SLC14A2: variants seen among roughly 807,000 people sequenced by gnomAD.
The protein encoded by SLC14A2 is urea transporter 2.
SLC14A2 carries 91 observed loss-of-function variants against 104.6 expected under a neutral mutation model. That is an observed-to-expected ratio of 0.87 (90% CI 0.73 to 1.04). The LOEUF is 1.04. SLC14A2 is among the 50% of genes least tolerant of loss of function. The pLI, the probability that SLC14A2 is intolerant of heterozygous loss-of-function variation, is 0.00. For synonymous variants in SLC14A2, 476 were observed against 466.4 expected, an observed-to-expected ratio of 1.02 and a Z score of -0.27; for missense variants, 1,189 against 1,156.0, an observed-to-expected ratio of 1.03 and a Z score of -0.41.
At chr18:45,472,188 C>A (rs774879749) in intron 1 of SLC14A2, among the ~76,000 whole-genome samples, 2 of 151,194 alleles carry the variant, frequency 1.3e-5, no homozygotes, top group Non-Finnish European at 3.0e-5. Context: ...TCATCCATGT[C>A]CCCGCAAGGA....
intron 1 of SLC14A2, among the ~76,000 whole-genome samples, chr18:45,366,507 T>C (rs952545972): frequency 4.6e-5 from 7 of 152,228 alleles, no homozygotes; most frequent in Non-Finnish European, 7.3e-5. Context: ...ATCCCCAGCA[T>C]ACTGTGAATT....
intron 2 of SLC14A2, among the ~76,000 whole-genome samples, chr18:45,488,174 G>A (rs952546060): frequency 6.6e-6 from 1 of 152,172 alleles, no homozygotes; most frequent in African/African-American, 2.4e-5. Flanking sequence ...TGGACTCTTT[G>A]AGGATGTATG....
intron 1 of SLC14A2, among the ~76,000 whole-genome samples, chr18:45,437,655 G>C (rs985560286): frequency 6.6e-6 from 1 of 152,204 alleles, no homozygotes; most frequent in African/African-American, 2.4e-5. Context: ...ACCAGCAGTT[G>C]TTGTGTTGTG....
chr18:45,585,030 T>C (rs982730091), intron 2 of SLC14A2, among the ~76,000 whole-genome samples: 3 of 152,120 alleles, frequency 2.0e-5, no homozygotes, highest in African/African-American at 7.2e-5. Context: ...AAAGGGCCAG[T>C]CCAGATGACC....
the SLC14A2 span, among the ~76,000 whole-genome samples, chr18:45,190,660 G>T: frequency 2.0e-5 from 3 of 152,178 alleles, no homozygotes; most frequent in Non-Finnish European, 2.9e-5. Context: ...GTGAGAACCA[G>T]ACACATTTCT....
chr18:45,444,313 G>A (rs1598825609), intron 1 of SLC14A2, among the ~76,000 whole-genome samples: 1 of 152,166 alleles, frequency 6.6e-6, no homozygotes, highest in South Asian at 2.1e-4. Flanking sequence ...TGTAAAGTGA[G>A]TGGATGCACT....
At chr18:45,610,946 G>A (rs1450379677), upstream of SLC14A2, among the ~76,000 whole-genome samples, 5 of 152,196 alleles carry the variant, frequency 3.3e-5, no homozygotes, top group African/African-American at 1.2e-4. Flanking sequence ...AGTTTTAAAG[G>A]AGTGTAGGTT....
intron 1 of SLC14A2, among the ~76,000 whole-genome samples, chr18:45,317,978 T>C (rs1211785009): frequency 6.6e-6 from 1 of 151,962 alleles, no homozygotes; most frequent in Non-Finnish European, 1.5e-5. Flanking sequence ...GCCCCACCTT[T>C]CCTTTGGAGC....
chr18:45,568,895 T>C (rs2044305669), intron 2 of SLC14A2, among the ~76,000 whole-genome samples: 1 of 152,158 alleles, frequency 6.6e-6, no homozygotes, highest in Non-Finnish European at 1.5e-5. Context: ...CTATGGATAG[T>C]TATGTTTTGG....
chr18:45,206,727 C>G, the SLC14A2 span, among the ~76,000 whole-genome samples: 1 of 152,130 alleles, frequency 6.6e-6, no homozygotes, highest in Non-Finnish European at 1.5e-5. Flanking sequence ...TAGGCAGGTA[C>G]TAGTTTGGGG....
intron 1 of SLC14A2, among the ~76,000 whole-genome samples, chr18:45,259,346 G>T (rs1336456237): frequency 2.0e-5 from 3 of 152,174 alleles, no homozygotes; most frequent in African/African-American, 7.2e-5. Context: ...GCAGGGGAAA[G>T]AAACAGCATT....
At chr18:45,295,078 G>A (rs2084906138) in intron 1 of SLC14A2, among the ~76,000 whole-genome samples, 1 of 152,158 alleles carries the variant, frequency 6.6e-6, no homozygotes. Flanking sequence ...TTCAAGGGCA[G>A]CAGCTAATAA....
intron 2 of SLC14A2, among the ~76,000 whole-genome samples, chr18:45,599,229 C>A (rs976222147): frequency 5.9e-5 from 9 of 152,196 alleles, no homozygotes; most frequent in African/African-American, 1.4e-4. Context: ...ACACCCCTAA[C>A]CCCCATCCAG....
chr18:45,169,156 G>A, the SLC14A2 span: 1 of 152,014 alleles, frequency 6.6e-6, no homozygotes, highest in East Asian at 1.9e-4. Context: ...TCAACATTGG[G>A]GAAAAAATTG....
At chr18:45,358,976 CA>C (rs1460095313) in intron 1 of SLC14A2, among the ~76,000 whole-genome samples, 1 of 152,222 alleles carries the variant, frequency 6.6e-6, no homozygotes, top group Non-Finnish European at 1.5e-5. Flanking sequence ...TGACTTCTAA[CA>C]CTTTTAGTTG....
At chr18:45,604,538 C>T (rs1289382793) in intron 2 of SLC14A2, among the ~76,000 whole-genome samples, 2 of 152,162 alleles carry the variant, frequency 1.3e-5, no homozygotes, top group African/African-American at 4.8e-5. Context: ...AACAGGTCCA[C>T]ATTCTTATGT....
At chr18:45,228,523 G>T (rs1412023394) in intron 1 of SLC14A2, among the ~76,000 whole-genome samples, 1 of 152,110 alleles carries the variant, frequency 6.6e-6, no homozygotes, top group Admixed American at 6.6e-5. Flanking sequence ...TTCATGTCCA[G>T]GTGACTGCCA....
chr18:45,355,663 A>C (rs1023405598), intron 1 of SLC14A2, among the ~76,000 whole-genome samples: 11 of 151,562 alleles, frequency 7.3e-5, no homozygotes, highest in African/African-American at 2.7e-4. Flanking sequence ...GAGGAAGTAC[A>C]AAGACCCCTG....
rs530417702 is a variant in SLC14A2, at chr18:45,372,574, G to A, written c.-124-110659G>A. ...GAGACACAGAGTCGCTGGTAGAGGC[G>A]AAGTCTTCTCAAACTTTCGTGTGCA... On this transcript the variant is annotated intron_variant, in intron 1 of 20. Transcript: ENST00000586448. 2.0e-5 allele frequency among the ~76,000 whole-genome samples: 3 copies of A among 152,236 alleles called. No homozygotes were observed. In the South Asian group the frequency reaches 6.2e-4, roughly 32 times the overall value.
Sources: gnomAD v4.1 joint callset for allele counts (sites outside exome capture counted in the v4.1 genomes callset) on GRCh38, gnomAD v4.1.1 for gene constraint, MANE v1.5 for transcripts, NCBI Gene and HGNC (gene_info 2026-07-23, HGNC 2026-07-21) for gene names.